The following PDE4D variants were observed in gnomAD, a reference collection of about 807,000 sequenced individuals.
The protein encoded by PDE4D is phosphodiesterase 4D.
In PDE4D, 24 loss-of-function variants were observed where a neutral mutation model predicts 87.4. The ratio of observed to expected loss-of-function variants is 0.27; its 90% CI spans 0.20 to 0.39. PDE4D has a LOEUF of 0.39. Among genes scored for constraint, PDE4D ranks in the 10% least tolerant of loss-of-function variants. The pLI, the probability that PDE4D is intolerant of heterozygous loss-of-function variation, is 1.00. For synonymous variants in PDE4D, 384 were observed against 383.2 expected, an observed-to-expected ratio of 1.00 and a Z score of -0.02; for missense variants, 714 against 1,041.0, an observed-to-expected ratio of 0.69 and a Z score of 4.32.
intron 3 of PDE4D, among the ~76,000 whole-genome samples, chr5:59,984,651 C>T (rs946929913): frequency 2.6e-5 from 4 of 152,050 alleles, no homozygotes; most frequent in Non-Finnish European, 5.9e-5. Flanking sequence ...GTCTCTTGAC[C>T]CAAGTACTTC....
intron 1 of PDE4D, among the ~76,000 whole-genome samples, chr5:59,342,233 G>T (rs1479923711): frequency 6.6e-6 from 1 of 152,168 alleles, no homozygotes; most frequent in African/African-American, 2.4e-5. Flanking sequence ...ACTTTGTAAA[G>T]ATAGTTTTAT....
chr5:59,194,372 A>C (rs967353775), intron 2 of PDE4D, among the ~76,000 whole-genome samples: 1 of 152,196 alleles, frequency 6.6e-6, no homozygotes, highest in African/African-American at 2.4e-5. Context: ...CTGTTATTCA[A>C]CACAGACAGC....
chr5:60,434,919 G>T (rs1744644722), intron 1 of PDE4D, among the ~76,000 whole-genome samples: 1 of 152,104 alleles, frequency 6.6e-6, no homozygotes, highest in Non-Finnish European at 1.5e-5. Flanking sequence ...GGGAGTTAGA[G>T]ATTAACTGCT....
chr5:59,042,588 A>G (rs1194203293), intron 5 of PDE4D, among the ~76,000 whole-genome samples: 1 of 152,222 alleles, frequency 6.6e-6, no homozygotes, highest in Admixed American at 6.5e-5. Context: ...AAGTCAAGGA[A>G]CTAAACAGAG....
intron 5 of PDE4D, among the ~76,000 whole-genome samples, chr5:59,065,712 T>A (rs1021882048): frequency 6.6e-6 from 1 of 152,160 alleles, no homozygotes; most frequent in African/African-American, 2.4e-5. Flanking sequence ...AGGAGTACAA[T>A]GAAAACTTAG....
chr5:60,167,354 G>GC (rs1486876617), intron 2 of PDE4D, among the ~76,000 whole-genome samples: 2 of 135,338 alleles, frequency 1.5e-5, no homozygotes, highest in Non-Finnish European at 3.1e-5. Flanking sequence ...TGCAGGCTCC[G>GC]CCCCCTGGGG....
intron 1 of PDE4D, among the ~76,000 whole-genome samples, chr5:59,608,088 A>G (rs912928199): frequency 3.3e-5 from 5 of 152,282 alleles, no homozygotes; most frequent in African/African-American, 1.2e-4. Context: ...TTGTTATTAT[A>G]GTGGCCATAC....
At chr5:60,046,827 T>C (rs1179064688) in intron 2 of PDE4D, among the ~76,000 whole-genome samples, 12 of 152,204 alleles carry the variant, frequency 7.9e-5, no homozygotes, top group African/African-American at 2.9e-4. Flanking sequence ...TCTAAAATTC[T>C]CTTTTTTGGT....
chr5:59,744,273 T>G (rs989744570), intron 1 of PDE4D, among the ~76,000 whole-genome samples: 1 of 152,190 alleles, frequency 6.6e-6, no homozygotes, highest in African/African-American at 2.4e-5. Context: ...CCCACTGTAC[T>G]GTATGCAAGC....
intron 1 of PDE4D, among the ~76,000 whole-genome samples, chr5:59,323,199 A>C (rs368945943): frequency 8.9e-4 from 136 of 152,184 alleles, no homozygotes; most frequent in African/African-American, 3.1e-3. Context: ...CTTTTTATGC[A>C]AGATTCAACT....
At chr5:60,465,460 T>C (rs752323969) in intron 1 of PDE4D, among the ~76,000 whole-genome samples, 1 of 152,210 alleles carries the variant, frequency 6.6e-6, no homozygotes, top group African/African-American at 2.4e-5. Context: ...AGGATGTGCA[T>C]GGTGACATTC....
intron 1 of PDE4D, among the ~76,000 whole-genome samples, chr5:59,531,015 T>C (rs1038226309): frequency 2.0e-5 from 3 of 152,224 alleles, no homozygotes; most frequent in Non-Finnish European, 2.9e-5. Flanking sequence ...AATTTCTTAA[T>C]GAACTCTCCA....
chr5:60,160,937 AAAAC>A (rs1162272026), intron 2 of PDE4D: 3 of 322,784 alleles, frequency 9.3e-6, no homozygotes, highest in African/African-American at 6.7e-5. Context: ...TAAGTCAATA[AAAAC>A]ACTTCAAAAC....
At chr5:59,285,636 T>C (rs972300756) in intron 1 of PDE4D, among the ~76,000 whole-genome samples, 5 of 152,192 alleles carry the variant, frequency 3.3e-5, no homozygotes, top group Non-Finnish European at 5.9e-5. Flanking sequence ...AAAAATTTTT[T>C]GTTAAATATT....
intron 1 of PDE4D, among the ~76,000 whole-genome samples, chr5:60,385,019 C>T (rs144380743): frequency 1.8e-4 from 28 of 152,282 alleles, no homozygotes; most frequent in African/African-American, 6.5e-4. Context: ...ATAATTGCAA[C>T]GAACTGTGCT....
chr5:59,962,020 A>G (rs1001694199), intron 3 of PDE4D, among the ~76,000 whole-genome samples: 6 of 152,224 alleles, frequency 3.9e-5, no homozygotes, highest in African/African-American at 9.6e-5. Context: ...CCTGATTTCA[A>G]TATACGTGAA....
At chr5:60,241,253 GTCTCTC>G (rs201578593) in intron 1 of PDE4D, among the ~76,000 whole-genome samples, 7 of 145,504 alleles carry the variant, frequency 4.8e-5, no homozygotes, top group African/African-American at 1.0e-4. Context: ...ATACATCAGA[GTCTCTC>G]TCTCTCTCTC....
chr5:59,986,031 G>A (rs1244906704), intron 3 of PDE4D, among the ~76,000 whole-genome samples: 3 of 152,162 alleles, frequency 2.0e-5, no homozygotes, highest in Admixed American at 6.5e-5. Flanking sequence ...TAGACAATTC[G>A]GAACCCTGAA....
At chr5:59,419,639 C>T (rs1300123451) in intron 1 of PDE4D, among the ~76,000 whole-genome samples, 2 of 152,166 alleles carry the variant, frequency 1.3e-5, no homozygotes, top group Non-Finnish European at 2.9e-5. Context: ...GGCTCCTGTG[C>T]ATAGAGTTTC....
Sources: gnomAD v4.1 joint callset for allele counts (sites outside exome capture counted in the v4.1 genomes callset) on GRCh38, gnomAD v4.1.1 for gene constraint, MANE v1.5 for transcripts, NCBI Gene and HGNC (gene_info 2026-07-23, HGNC 2026-07-21) for gene names.